ATP11A: variants seen among roughly 807,000 people sequenced by gnomAD.
ATP11A encodes phospholipid-transporting ATPase IH.
ATP11A carries 81 observed loss-of-function variants against 154.4 expected under a neutral mutation model. The ratio of observed to expected loss-of-function variants is 0.52; its 90% CI spans 0.44 to 0.63. ATP11A has a LOEUF of 0.63. Ranked by LOEUF, ATP11A falls within the 30% of genes least tolerant of loss-of-function variation. The pLI is 0.00. For synonymous variants in ATP11A, 623 were observed against 585.9 expected, an observed-to-expected ratio of 1.06 and a Z score of -0.91; for missense variants, 1,316 against 1,474.3, an observed-to-expected ratio of 0.89 and a Z score of 1.76.
rs375200809 is a variant in ATP11A, at chr13:112,827,666, C to T, written c.1221+775C>T. On this transcript the variant is annotated intron_variant, in intron 12 of 29. Coordinates refer to ENST00000375645, the MANE Select transcript of ATP11A (RefSeq NM_015205.3). ...ACCAGTAAACGGTAATTGGATTTTT[C>T]GGAAGAAATAGCGATTTTGAAGGAT... is the stretch of plus-strand genomic sequence containing the variant. 1.2e-4 allele frequency among the ~76,000 whole-genome samples: 18 copies of T among 152,324 alleles called. No individual in the cohort carries two copies. In the East Asian group the frequency reaches 2.7e-3, roughly 23 times the overall value.
At chr13:112,692,279 C>T (rs1321852190) in intron 1 of ATP11A, among the ~76,000 whole-genome samples, 1 of 152,200 alleles carries the variant, frequency 6.6e-6, no homozygotes, top group African/African-American at 2.4e-5. Context: ...CCTTCTAACA[C>T]TCAGTGTTAA....
At chr13:112,711,948 T>A (rs1887806051) in intron 1 of ATP11A, among the ~76,000 whole-genome samples, 1 of 152,172 alleles carries the variant, frequency 6.6e-6, no homozygotes, top group Admixed American at 6.5e-5. Flanking sequence ...CTTAGTTAAT[T>A]AACATTCCTA....
chr13:112,775,472 C>G (rs1475489171), intron 1 of ATP11A, among the ~76,000 whole-genome samples: 1 of 152,190 alleles, frequency 6.6e-6, no homozygotes. Flanking sequence ...CAGGACATGC[C>G]TCCTCTAAAG....
chr13:112,866,816 CCTTCGTCATCA>C lies in ATP11A; in HGVS notation c.2991+4245_2991+4255del, dbSNP rs1329964673. 2.6e-5 allele frequency among the ~76,000 whole-genome samples: 4 copies of C among 151,802 alleles called. No individual in the cohort carries two copies. In the East Asian group the frequency reaches 7.8e-4, roughly 30 times the overall value. ...CCTCTTTACTAAACACTGCTGTTAT[CCTTCGTCATCA>C]CTTAAATCAGTTTTTACCAGGTCTA... On this transcript the variant is annotated intron_variant, in intron 25 of 29. Transcript: ENST00000375645.
chr13:112,873,657 C>G lies in ATP11A; in HGVS notation c.3142C>G (p.Leu1048Val). ...SLLFYVVFSL[L>V]WGGVIWPFLN... ...GCTGTTCTACGTTGTCTTTTCGCTT[C>G]TCTGGGGAGGAGTGATCTGGTAAAT... is the stretch of plus-strand genomic sequence containing the variant. The change falls in exon 27 of 30, where the codon CTC becomes GTC. Residue 1048 changes from leucine to valine, a missense_variant. Around this residue, in one of 5 missense-constraint regions of ATP11A, gnomAD observed 294 missense variants for 290.2 expected, o/e 1.01. Transcript: ENST00000375645. The G allele has an allele frequency of 6.2e-7, 1 of 1,613,226 alleles. No homozygotes were observed. The highest frequency in any genetic ancestry group is 8.5e-7 in the Non-Finnish European group (1 of 1,179,374).
chr13:112,759,359 AC>A (rs1174258817), intron 1 of ATP11A, among the ~76,000 whole-genome samples: 3 of 152,150 alleles, frequency 2.0e-5, no homozygotes. Context: ...CCCGCAACAC[AC>A]TTGGCAGAGT....
chr13:112,753,861 G>A lies in ATP11A; in HGVS notation c.40-31274G>A, dbSNP rs111948169. ...ATGTTAGAAGCGCTTTTTCCAAAAT[G>A]CAATGTAGAGTTATTTAAATTTAAA... On this transcript the variant is annotated intron_variant, in intron 1 of 29. Transcript: ENST00000375645. The surrounding 1 kb of genome is among the most constrained non-coding windows in gnomAD (Gnocchi z 4.1). Among the ~76,000 whole-genome samples the A allele has an allele frequency of 6.6e-6, 1 of 152,146 alleles. No homozygotes were observed. Among genetic ancestry groups the A allele is most frequent in the East Asian group, 1.9e-4 (1 of 5,194 alleles).
At position 112,885,184 on chromosome 13, in the gene ATP11A, TA is replaced by T. The variant is rs2080954777; in HGVS notation, c.*3319del. The T allele has an allele frequency of 6.6e-6, 1 of 152,052 alleles. No individual in the cohort carries two copies. The highest frequency in any genetic ancestry group is 1.5e-5 in the Non-Finnish European group (1 of 68,046). The allele number at this position is 152,052 out of a possible 1,614,324, so 9.4% of individuals were successfully genotyped here. On this transcript the variant is annotated 3_prime_UTR_variant, in exon 30 of 30. Transcript: ENST00000375645. Reference sequence around the variant, plus strand: ...CACGCGTGTGCATGCTCCTACACAATACATATGCACATATCATGAACAGCGT... The same window carrying T: ...CACGCGTGTGCATGCTCCTACACAATCATATGCACATATCATGAACAGCGT...
intron 2 of ATP11A, among the ~76,000 whole-genome samples, chr13:112,787,559 C>T (rs373348862): frequency 3.8e-5 from 3 of 79,396 alleles, no homozygotes; most frequent in Admixed American, 1.2e-4. Flanking sequence ...ATGTGTAGAC[C>T]CCTGTGGAGA....
intron 2 of ATP11A, among the ~76,000 whole-genome samples, chr13:112,801,932 AG>A (rs1219706153): frequency 6.6e-6 from 1 of 152,240 alleles, no homozygotes; most frequent in Non-Finnish European, 1.5e-5. Flanking sequence ...TTATATGGAA[AG>A]GCAAAAGACC....
At chr13:112,803,734 T>A (rs2078202517) in intron 2 of ATP11A, among the ~76,000 whole-genome samples, 1 of 82,450 alleles carries the variant, frequency 1.2e-5, no homozygotes, top group Admixed American at 1.5e-4. Flanking sequence ...CTCCCTGACC[T>A]CCTTCCCCTC....
In ATP11A at chr13:112,805,042, T is replaced by G; in HGVS notation, c.248T>G (p.Val83Gly). ...TTTTATTTCCTTATCATATTTCTGG[T>G]GCAGGTAAGGCCGGTCATTGTTTTC... ...ANFYFLIIFL[V>G]QLIIDTPTSP... is the part of the protein sequence containing the mutation. Residue 83 changes from valine to glycine, a missense_variant, in exon 3 of 30, where the codon GTG becomes GGG. By Grantham distance (109) the Val-to-Gly change is moderately radical. Transcript: ENST00000375645. 6.2e-7 allele frequency: 1 copy of G among 1,607,174 alleles called. No homozygotes were observed. Among genetic ancestry groups the G allele is most frequent in the Non-Finnish European group, 8.5e-7 (1 of 1,176,086 alleles).
intron 29 of ATP11A, among the ~76,000 whole-genome samples, chr13:112,879,945 G>A (rs961543416): frequency 1.3e-5 from 2 of 152,184 alleles, no homozygotes; most frequent in African/African-American, 4.8e-5. Context: ...TCACTTCTCC[G>A]TCACTGTCCC....
intron 1 of ATP11A, among the ~76,000 whole-genome samples, chr13:112,700,807 C>T (rs555237403): frequency 2.6e-5 from 4 of 152,380 alleles, no homozygotes; most frequent in East Asian, 3.9e-4. Context: ...TCACCCGCCT[C>T]GCCCTGAGGA....
intron 1 of ATP11A, chr13:112,717,772 T>C (rs552637310): frequency 6.6e-6 from 1 of 152,358 alleles, no homozygotes; most frequent in South Asian, 2.1e-4. Flanking sequence ...CACACATCTG[T>C]GCATTAGAAA....
chr13:112,776,554 G>A (rs2077353821), intron 1 of ATP11A, among the ~76,000 whole-genome samples: 1 of 152,200 alleles, frequency 6.6e-6, no homozygotes, highest in South Asian at 2.1e-4. Flanking sequence ...TCTGGGTTTG[G>A]TGTTGCGCTC....
chr13:112,790,097 TTTAATTCACACCA>T (rs2077803684), intron 2 of ATP11A, among the ~76,000 whole-genome samples: 1 of 129,308 alleles, frequency 7.7e-6, no homozygotes, highest in South Asian at 3.0e-4. Context: ...TGTAGACCTA[TTTAATTCACACCA>T]GGAGTCCTGA....
chr13:112,837,506 G>A (rs902036524), intron 16 of ATP11A, among the ~76,000 whole-genome samples: 22 of 152,190 alleles, frequency 1.4e-4, no homozygotes, highest in African/African-American at 4.3e-4. Flanking sequence ...GCCACCCTCC[G>A]CCGAGTGCTC....
chr13:112,787,465 C>G (rs1460866104), intron 2 of ATP11A, among the ~76,000 whole-genome samples: 1 of 120,674 alleles, frequency 8.3e-6, no homozygotes, highest in Non-Finnish European at 1.6e-5. Context: ...GTGTAGACCC[C>G]TGTGGATACC....
Sources: gnomAD v4.1 joint callset for allele counts (sites outside exome capture counted in the v4.1 genomes callset) on GRCh38, gnomAD v4.1.1 for gene constraint, gnomAD v4.1.1 regional missense constraint, Gnocchi (gnomAD v3.1) non-coding constraint, MANE v1.5 for transcripts, NCBI Gene and HGNC (gene_info 2026-07-23, HGNC 2026-07-21) for gene names.